Variants in NNT observed in about 807,000 individuals in gnomAD.
NNT encodes the protein NAD(P) transhydrogenase, mitochondrial.
NNT carries 50 observed loss-of-function variants against 104.8 expected under a neutral mutation model. That is an observed-to-expected ratio of 0.48 (90% CI 0.38 to 0.60). NNT has a LOEUF of 0.60. Ranked by LOEUF, NNT falls within the 20% of genes least tolerant of loss-of-function variation. The probability of loss-of-function intolerance (pLI) is 0.00; values close to 1 mark genes in which losing one functional copy is unlikely to be tolerated. For missense variants in NNT, 1,131 were observed against 1,330.7 expected, an observed-to-expected ratio of 0.85 and a Z score of 2.33; for synonymous variants, 461 against 490.4, an observed-to-expected ratio of 0.94 and a Z score of 0.79.
chr5:43,628,059 C>A, intron 6 of NNT, 141 bp from the exon 7 acceptor site: 1 of 585,686 alleles, frequency 1.7e-6, no homozygotes, highest in Non-Finnish European at 2.7e-6. Flanking sequence ...AAAATTGGAA[C>A]AATTAAGTAC....
intron 17 of NNT, among the ~76,000 whole-genome samples, chr5:43,669,524 A>T (rs1446641741): frequency 6.6e-6 from 1 of 152,128 alleles, no homozygotes; most frequent in Non-Finnish European, 1.5e-5. Flanking sequence ...CCTTTTCTGC[A>T]TCTATTGAGA....
At chr5:43,686,652 T>C (rs1280308848) in intron 19 of NNT, among the ~76,000 whole-genome samples, 9 of 152,128 alleles carry the variant, frequency 5.9e-5, no homozygotes, top group Admixed American at 4.6e-4. Context: ...TAAGTGATTA[T>C]TAAAAATATG....
chr5:43,694,411 TGG>T (rs1421511463), intron 19 of NNT, among the ~76,000 whole-genome samples: 1 of 152,196 alleles, frequency 6.6e-6, no homozygotes, highest in Non-Finnish European at 1.5e-5. Context: ...ATGTTGGCCA[TGG>T]GTTTGTCATA....
intron 3 of NNT, among the ~76,000 whole-genome samples, chr5:43,613,951 G>T (rs1476146624): frequency 6.6e-6 from 1 of 152,074 alleles, no homozygotes; most frequent in Non-Finnish European, 1.5e-5. Context: ...CTTGACAGGT[G>T]GTTTTTGCTA....
At chr5:43,633,524 G>A (rs568247820) in intron 7 of NNT, among the ~76,000 whole-genome samples, 42 of 152,286 alleles carry the variant, frequency 2.8e-4, no homozygotes, top group African/African-American at 9.6e-4. Context: ...CTGCTCAGCA[G>A]TAGTGTTCTT....
chr5:43,670,407 T>C (rs1740992519), intron 17 of NNT, among the ~76,000 whole-genome samples: 1 of 152,222 alleles, frequency 6.6e-6, no homozygotes, highest in South Asian at 2.1e-4. Flanking sequence ...CTGCTTTCTC[T>C]TGTGGGCATT....
intron 17 of NNT, among the ~76,000 whole-genome samples, chr5:43,673,681 G>C (rs1741253810): frequency 1.3e-5 from 2 of 152,078 alleles, no homozygotes; most frequent in Non-Finnish European, 2.9e-5. Context: ...AATGTGTTAG[G>C]AATTTAAAAC....
At chr5:43,612,850 C>A in intron 2 of NNT, 58 bp from the exon 3 acceptor site, 1 of 1,282,168 alleles carries the variant, frequency 7.8e-7, no homozygotes, top group South Asian at 1.3e-5. Flanking sequence ...TGTTTTTAAA[C>A]ATTTTTTGTT....
rs370007741 is a variant in NNT at position 43,702,445 on chromosome 5, A to G, written c.2996-176A>G. The stretch of plus-strand genomic sequence containing the variant: ...ACCTACTGCTTTTTAGCTGTGTGAA[A>G]TTGGCCGAGTTGCTTAACCTCTCTG... On this transcript the variant is annotated intron_variant, in intron 20 of 21. Coordinates refer to ENST00000344920, the MANE Select transcript of NNT (RefSeq NM_182977.3). 5.9e-4 allele frequency among the ~76,000 whole-genome samples: 90 copies of G among 152,346 alleles called. 1 individual carries two copies. In the South Asian group the frequency reaches 0.017, roughly 29 times the overall value.
chr5:43,643,303 A>G (rs890843102), intron 7 of NNT, among the ~76,000 whole-genome samples: 11 of 152,226 alleles, frequency 7.2e-5, no homozygotes, highest in Admixed American at 6.5e-4. Context: ...ATGAAATGTG[A>G]ACACGATAGT....
At chr5:43,681,964 A>T (rs1355575155) in intron 19 of NNT, among the ~76,000 whole-genome samples, 1 of 152,132 alleles carries the variant, frequency 6.6e-6, no homozygotes, top group Non-Finnish European at 1.5e-5. Context: ...TGTCCAGGAG[A>T]TATTTTAAAC....
chr5:43,695,679 G>A (rs1742520569), intron 19 of NNT, among the ~76,000 whole-genome samples: 1 of 152,184 alleles, frequency 6.6e-6, no homozygotes, highest in South Asian at 2.1e-4. Flanking sequence ...TCATGCTGCT[G>A]ATAAAGACTT....
intron 17 of NNT, among the ~76,000 whole-genome samples, chr5:43,673,252 C>T (rs558560988): frequency 2.0e-5 from 3 of 152,196 alleles, no homozygotes; most frequent in Non-Finnish European, 4.4e-5. Context: ...AATGCCTCGC[C>T]CTGCTTTGGC....
chr5:43,681,128 C>T (rs1022649739), intron 19 of NNT, among the ~76,000 whole-genome samples: 9 of 151,534 alleles, frequency 5.9e-5, no homozygotes, highest in Admixed American at 1.3e-4. Flanking sequence ...GGCATGGTGG[C>T]GGGCACCTGT....
rs1019612724 is a variant in NNT at position 43,704,551 on chromosome 5, T to C, written c.*147T>C. The C allele has an allele frequency of 2.8e-5, 19 of 690,774 alleles. No individual in the cohort carries two copies. The highest frequency in any genetic ancestry group is 5.7e-5 in the African/African-American group (3 of 52,918). The allele number at this position is 690,774 out of a possible 1,614,324, so 42.8% of individuals were successfully genotyped here. ...TGAAGAAAGCAAAGCAAAAACTGTA[T>C]AGAGAGATTTTTCAAAAGCAGTAAT... On this transcript the variant is annotated 3_prime_UTR_variant, in exon 22 of 22. Coordinates refer to ENST00000344920, the MANE Select transcript of NNT (RefSeq NM_182977.3).
Position 43,612,939 on chromosome 5 carries a change from C to T in NNT, c.183C>T (p.Val61=), listed in dbSNP as rs780748868. 6.2e-6 allele frequency: 10 copies of T among 1,613,592 alleles called. No individual in the cohort carries two copies. In the South Asian group the frequency reaches 7.7e-5, roughly 12 times the overall value. The change falls in exon 3 of 22, where the codon GTC becomes GTT. Residue 61 remains valine, a synonymous_variant. Transcript: ENST00000344920. ...CATATAAGCAACTGACTGTTGGAGT[C>T]CCCAAAGAGATATTCCAAAATGAGA... ...GIPYKQLTVG[V]PKEIFQNEKR...
At chr5:43,656,868 G>A in intron 16 of NNT, 55 bp downstream of exon 16, 1 of 1,516,176 alleles carries the variant, frequency 6.6e-7, no homozygotes, top group Non-Finnish European at 8.9e-7. Flanking sequence ...GGAATATTTT[G>A]TTAGATTAAA....
intron 19 of NNT, among the ~76,000 whole-genome samples, chr5:43,679,604 CAA>C (rs749700315): frequency 3.3e-5 from 5 of 152,146 alleles, no homozygotes; most frequent in Non-Finnish European, 4.4e-5. Context: ...AAGGATAAGA[CAA>C]ATGAATTTTT....
chr5:43,608,735 T>G (rs768251802), intron 1 of NNT, among the ~76,000 whole-genome samples: 2 of 152,192 alleles, frequency 1.3e-5, no homozygotes, highest in Non-Finnish European at 2.9e-5. Context: ...TAAGGGAAAT[T>G]CAAAGGTAAC....
Sources: allele counts gnomAD v4.1 joint callset (sites outside exome capture counted in the v4.1 genomes callset), GRCh38; gene constraint gnomAD v4.1.1; transcripts MANE v1.5; gene names NCBI Gene and HGNC (gene_info 2026-07-23, HGNC 2026-07-21).